The following CCDC57 variants were observed in gnomAD, a reference collection of about 807,000 sequenced individuals.
CCDC57 encodes coiled-coil domain containing 57.
In CCDC57, 118 loss-of-function variants were observed where a neutral mutation model predicts 118.9. That is an observed-to-expected ratio of 0.99 (90% CI 0.86 to 1.16). The LOEUF (loss-of-function observed/expected upper bound fraction) is 1.16, where lower values mean the gene tolerates loss of function less well. CCDC57 is among the 50% of genes most tolerant of loss of function. CCDC57 has a pLI of 0.00. For synonymous variants in CCDC57, 527 were observed against 532.9 expected (o/e 0.99, Z 0.15); for missense variants, 1,300 against 1,320.7 (o/e 0.98, Z 0.24).
At chr17:82,193,710 T>G in intron 7 of CCDC57, 46 bp downstream of exon 6, 5 of 1,530,262 alleles carry the variant, frequency 3.3e-6, no homozygotes, top group Non-Finnish European at 4.5e-6. Context: ...CCTCCTCTCC[T>G]GGGGCCACTG....
chr17:82,188,401 A>T, exon 8 of CCDC57: 1 of 1,611,458 alleles, frequency 6.2e-7, no homozygotes, highest in Non-Finnish European at 8.5e-7. Flanking sequence ...CCCTGGCCAG[A>T]CGGTCGAGCT....
chr17:82,136,587 A>AG, intron 16 of CCDC57, among the ~76,000 whole-genome samples: 1 of 119,936 alleles, frequency 8.3e-6, no homozygotes, highest in East Asian at 6.1e-4. Context: ...TACCAAAAAA[A>AG]AAAAAAAAAA....
chr17:82,159,157 G>A (rs1255157322), intron 14 of CCDC57, among the ~76,000 whole-genome samples: 2 of 151,406 alleles, frequency 1.3e-5, no homozygotes, highest in Non-Finnish European at 2.9e-5. Context: ...ATGCACCACC[G>A]TGCCCAGCCT....
intron 1 of CCDC57, among the ~76,000 whole-genome samples, chr17:82,210,240 G>C (rs1159858325): frequency 6.6e-6 from 1 of 151,630 alleles, no homozygotes; most frequent in African/African-American, 2.4e-5. Flanking sequence ...GGGAAGAGAT[G>C]GTTCTTTCTT....
intron 17 of CCDC57, among the ~76,000 whole-genome samples, chr17:82,133,547 C>T (rs1250148794): frequency 2.8e-5 from 4 of 141,974 alleles, no homozygotes; most frequent in Non-Finnish European, 6.1e-5. Context: ...ATACATGATA[C>T]AATTTGTAAT....
At chr17:82,116,299 G>A (rs1047141841) in intron 19 of CCDC57, among the ~76,000 whole-genome samples, 8 of 151,830 alleles carry the variant, frequency 5.3e-5, no homozygotes, top group Admixed American at 1.3e-4. Flanking sequence ...GGGAGGCAGG[G>A]GGGCCTCCAC....
chr17:82,132,247 G>T (rs145088364), intron 17 of CCDC57, among the ~76,000 whole-genome samples: 7 of 152,018 alleles, frequency 4.6e-5, no homozygotes, highest in African/African-American at 1.5e-4. Context: ...TATTTAAAGC[G>T]GTATAGTACC....
chr17:82,101,544 A>G (rs759269003), exon 20 of CCDC57: 2 of 736,752 alleles, frequency 2.7e-6, no homozygotes, highest in Admixed American at 2.8e-5. Context: ...CCTCAGCAGC[A>G]TTTGGGAGCC....
chr17:82,178,057 GT>G (rs957154814), intron 11 of CCDC57, among the ~76,000 whole-genome samples: 4 of 152,324 alleles, frequency 2.6e-5, no homozygotes, highest in African/African-American at 9.6e-5. Context: ...GATGAAATGA[GT>G]GGAGGGATTT....
At chr17:82,123,164 T>C in intron 19 of CCDC57, among the ~76,000 whole-genome samples, 1 of 142,616 alleles carries the variant, frequency 7.0e-6, no homozygotes. Flanking sequence ...GGTCTTGCTC[T>C]CTCACCCAGG....
intron 14 of CCDC57, among the ~76,000 whole-genome samples, chr17:82,158,687 CAAAAA>C (rs373874358): frequency 3.6e-5 from 4 of 110,772 alleles, no homozygotes; most frequent in Non-Finnish European, 5.9e-5. Flanking sequence ...GACTCCATTT[CAAAAA>C]AAAAAAAAAA....
chr17:82,107,298 C>A, intron 19 of CCDC57: 1 of 410,002 alleles, frequency 2.4e-6, no homozygotes, highest in Non-Finnish European at 5.0e-6. Flanking sequence ...GGCCCACACA[C>A]CTGCAGCAGG....
intron 19 of CCDC57, chr17:82,113,838 C>T (rs1350540573): frequency 1.7e-6 from 1 of 596,402 alleles, no homozygotes; most frequent in African/African-American, 1.9e-5. Flanking sequence ...CTCAGCTACT[C>T]AGGAGACAAA....
intron 4 of CCDC57, among the ~76,000 whole-genome samples, chr17:82,197,985 T>C (rs895484566): frequency 7.2e-5 from 11 of 152,208 alleles, no homozygotes; most frequent in African/African-American, 2.7e-4. Context: ...TGGGACTTCA[T>C]GGCCTCCGTA....
chr17:82,102,180 A>G (rs965303266), intron 19 of CCDC57, among the ~76,000 whole-genome samples: 5 of 152,094 alleles, frequency 3.3e-5, no homozygotes, highest in Admixed American at 3.3e-4. Context: ...AGGAGGGGGC[A>G]GGGGTGCTGT....
At chr17:82,176,295 G>C (rs1323229216) in intron 11 of CCDC57, among the ~76,000 whole-genome samples, 1 of 151,678 alleles carries the variant, frequency 6.6e-6, no homozygotes, top group East Asian at 1.9e-4. Flanking sequence ...AAAGAACCCA[G>C]GGCTCAGGGC....
chr17:82,157,833 T>C (rs747893485), exon 15 of CCDC57: 1 of 1,603,020 alleles, frequency 6.2e-7, no homozygotes, highest in Non-Finnish European at 8.5e-7. Flanking sequence ...TATCCTGAGA[T>C]GCTTCCCCAG....
intron 14 of CCDC57, among the ~76,000 whole-genome samples, chr17:82,161,226 A>T (rs1319073756): frequency 6.6e-6 from 1 of 152,130 alleles, no homozygotes; most frequent in African/African-American, 2.4e-5. Context: ...GGGATGGGGG[A>T]ACCGGAACCC....
chr17:82,146,055 G>A (rs760734081), intron 16 of CCDC57, among the ~76,000 whole-genome samples: 5 of 152,212 alleles, frequency 3.3e-5, no homozygotes, highest in South Asian at 2.1e-4. Flanking sequence ...TCCCAGAGGC[G>A]GACAGGTGAG....
Sources: allele counts gnomAD v4.1 joint callset (sites outside exome capture counted in the v4.1 genomes callset), GRCh38; gene constraint gnomAD v4.1.1; transcripts MANE v1.5; gene names NCBI Gene and HGNC (gene_info 2026-07-23, HGNC 2026-07-21).